Variants in MYRIP observed in about 807,000 individuals in gnomAD.
MYRIP encodes the protein myosin VIIA and Rab interacting protein, also known as rab effector MyRIP.
In MYRIP, 49 loss-of-function variants were observed where a neutral mutation model predicts 98.0. The observed-to-expected ratio is 0.50, with a 90% CI of 0.40 to 0.63. The LOEUF (loss-of-function observed/expected upper bound fraction) is 0.63. Among genes scored for constraint, MYRIP ranks in the 30% least tolerant of loss-of-function variants. MYRIP has a pLI of 0.00. For missense variants in MYRIP, 1,004 were observed against 1,058.2 expected (o/e 0.95, Z 0.71); for synonymous variants, 404 against 409.5 (o/e 0.99, Z 0.16).
intron 2 of MYRIP, among the ~76,000 whole-genome samples, chr3:39,931,765 C>T (rs1310326220): frequency 6.6e-6 from 1 of 152,098 alleles, no homozygotes; most frequent in East Asian, 1.9e-4. Flanking sequence ...TTGACATGAC[C>T]ATATGGTTTT....
At chr3:39,876,929 C>A (rs1943014342) in intron 1 of MYRIP, among the ~76,000 whole-genome samples, 2 of 152,326 alleles carry the variant, frequency 1.3e-5, no homozygotes, top group East Asian at 3.9e-4. Context: ...TAATATCCTG[C>A]AGAGTGTTTT....
intron 16 of MYRIP, among the ~76,000 whole-genome samples, chr3:40,255,543 A>C (rs1953555258): frequency 6.6e-6 from 1 of 152,252 alleles, no homozygotes; most frequent in Non-Finnish European, 1.5e-5. Flanking sequence ...TTTACTAAAC[A>C]AATAAAAGCA....
chr3:40,244,157 C>T (rs1008148166), intron 12 of MYRIP, among the ~76,000 whole-genome samples: 4 of 152,122 alleles, frequency 2.6e-5, no homozygotes, highest in South Asian at 2.1e-4. Context: ...ATACACAATT[C>T]GCATAGCTGA....
At chr3:40,013,360 G>A (rs375229399) in intron 2 of MYRIP, among the ~76,000 whole-genome samples, 9 of 152,290 alleles carry the variant, frequency 5.9e-5, no homozygotes, top group African/African-American at 1.9e-4. Context: ...TTTTATTCCC[G>A]TGGAAGGAAA....
Position 40,250,504 on chromosome 3 carries a change from G to A in MYRIP, c.2428+5G>A. 2 of 1,614,200 alleles carry A rather than the reference G, an allele frequency of 1.2e-6. No individual in the cohort carries two copies. The highest frequency in any genetic ancestry group is 1.7e-6 in the Non-Finnish European group (2 of 1,180,012). On this transcript the variant is annotated splice_donor_5th_base_variant and intron_variant, in intron 15 of 16. Transcript: ENST00000302541. ...TGCCTGCTCCACCGGTGAAAGGTAT[G>A]CTAAATTAAAACCACAAAGCTACCA...
intron 1 of MYRIP, among the ~76,000 whole-genome samples, chr3:39,843,403 T>C (rs1014130783): frequency 6.6e-6 from 1 of 152,166 alleles, no homozygotes; most frequent in Non-Finnish European, 1.5e-5. Flanking sequence ...AAAAAGAAAC[T>C]TATTTATTGC....
intron 1 of MYRIP, among the ~76,000 whole-genome samples, chr3:39,883,379 G>A (rs1429917075): frequency 6.6e-6 from 1 of 152,040 alleles, no homozygotes; most frequent in African/African-American, 2.4e-5. Flanking sequence ...CCTCTCTAGA[G>A]GAAAATAACC....
At chr3:39,971,469 AC>A (rs1448304450) in intron 2 of MYRIP, among the ~76,000 whole-genome samples, 3 of 152,046 alleles carry the variant, frequency 2.0e-5, no homozygotes, top group South Asian at 4.2e-4. Context: ...ACTGTGCTTT[AC>A]TTATAAGTAC....
intron 1 of MYRIP, among the ~76,000 whole-genome samples, chr3:39,872,118 T>A (rs1335687035): frequency 2.0e-5 from 3 of 152,066 alleles, no homozygotes; most frequent in Non-Finnish European, 2.9e-5. Context: ...ATCATATTAT[T>A]TTTCATTTGC....
intron 4 of MYRIP, among the ~76,000 whole-genome samples, chr3:40,157,152 A>C (rs1450162013): frequency 1.2e-4 from 18 of 146,100 alleles, no homozygotes; most frequent in Non-Finnish European, 1.2e-4. Context: ...AGCTCTTATT[A>C]TTTTGAAATA....
chr3:39,975,377 A>T (rs1255611725), intron 2 of MYRIP, among the ~76,000 whole-genome samples: 1 of 151,930 alleles, frequency 6.6e-6, no homozygotes, highest in Non-Finnish European at 1.5e-5. Context: ...ACTACAAACC[A>T]CTGCTCAAGG....
intron 4 of MYRIP, among the ~76,000 whole-genome samples, 199 bp from the exon 5 acceptor site, chr3:40,162,531 A>G (rs1192686748): frequency 3.9e-5 from 6 of 152,366 alleles, no homozygotes; most frequent in African/African-American, 1.2e-4. Context: ...TGCACCAGGA[A>G]TCAGTGTGAG....
chr3:40,016,258 C>A (rs952165870), intron 2 of MYRIP, among the ~76,000 whole-genome samples: 2 of 152,108 alleles, frequency 1.3e-5, no homozygotes, highest in Non-Finnish European at 2.9e-5. Flanking sequence ...TTCCACATTT[C>A]TGCTTTGATA....
chr3:40,224,545 T>G (rs769817439), intron 11 of MYRIP, among the ~76,000 whole-genome samples: 5 of 152,186 alleles, frequency 3.3e-5, no homozygotes, highest in Non-Finnish European at 7.3e-5. Flanking sequence ...TTAGTTTCCT[T>G]TGCCAGGCCC....
chr3:40,115,668 T>C (rs375355318), intron 3 of MYRIP, among the ~76,000 whole-genome samples: 5 of 152,292 alleles, frequency 3.3e-5, no homozygotes, highest in African/African-American at 4.8e-5. Context: ...AAATCAACCT[T>C]TAAAATATGG....
At chr3:40,188,494 A>AG (rs1951097761) in intron 9 of MYRIP, among the ~76,000 whole-genome samples, 1 of 151,570 alleles carries the variant, frequency 6.6e-6, no homozygotes, top group African/African-American at 2.4e-5. Flanking sequence ...AAAAAAAAAA[A>AG]AGACTGGGTG....
intron 11 of MYRIP, among the ~76,000 whole-genome samples, chr3:40,226,128 AT>A (rs781242781): frequency 1.1e-4 from 16 of 152,192 alleles, no homozygotes; most frequent in Non-Finnish European, 2.4e-4. Flanking sequence ...AAAATAATGA[AT>A]TTAAAAGAAA....
intron 1 of MYRIP, among the ~76,000 whole-genome samples, chr3:39,859,604 G>A (rs959265426): frequency 2.0e-5 from 3 of 152,170 alleles, no homozygotes; most frequent in African/African-American, 7.2e-5. Flanking sequence ...GATGAACATA[G>A]ATGTAAAAAT....
At chr3:39,989,580 A>G (rs978315107) in intron 2 of MYRIP, among the ~76,000 whole-genome samples, 3 of 152,224 alleles carry the variant, frequency 2.0e-5, no homozygotes, top group Non-Finnish European at 2.9e-5. Context: ...GGAAACCCAC[A>G]CATCTGGGCT....
Sources: allele counts gnomAD v4.1 joint callset (sites outside exome capture counted in the v4.1 genomes callset), GRCh38; gene constraint gnomAD v4.1.1; transcripts MANE v1.5; gene names NCBI Gene and HGNC (gene_info 2026-07-23, HGNC 2026-07-21).